Variants in GRID2 observed in about 807,000 individuals in gnomAD.
The protein encoded by GRID2 is glutamate receptor ionotropic, delta-2.
GRID2 carries 33 observed loss-of-function variants against 114.8 expected under a neutral mutation model. The ratio of observed to expected loss-of-function variants is 0.29; its 90% CI spans 0.22 to 0.38. The LOEUF (loss-of-function observed/expected upper bound fraction) is 0.38, where lower values mean the gene tolerates loss of function less well. Ranked by LOEUF, GRID2 falls within the 10% of genes least tolerant of loss-of-function variation. GRID2 has a pLI of 1.00. For missense variants in GRID2, 1,184 were observed against 1,257.7 expected, an observed-to-expected ratio of 0.94 and a Z score of 0.89; for synonymous variants, 505 against 449.9, an observed-to-expected ratio of 1.12 and a Z score of -1.55.
At chr4:92,989,894 T>C (rs1481558639) in intron 2 of GRID2, among the ~76,000 whole-genome samples, 3 of 152,116 alleles carry the variant, frequency 2.0e-5, no homozygotes, top group African/African-American at 4.8e-5. Context: ...TACAGAAATA[T>C]TGTAAGATTC....
At chr4:93,571,605 A>G (rs1319576962) in intron 13 of GRID2, among the ~76,000 whole-genome samples, 4 of 152,156 alleles carry the variant, frequency 2.6e-5, no homozygotes, top group Non-Finnish European at 5.9e-5. Flanking sequence ...TTAGTCATTT[A>G]GACTAATAAA....
At chr4:92,434,471 A>G (rs867872953) in intron 1 of GRID2, among the ~76,000 whole-genome samples, 3 of 152,176 alleles carry the variant, frequency 2.0e-5, no homozygotes, top group South Asian at 4.1e-4. Context: ...GGTAAATTCT[A>G]ATGTCAGTTA....
chr4:93,259,298 G>T (rs1749978643), intron 8 of GRID2, among the ~76,000 whole-genome samples: 1 of 151,786 alleles, frequency 6.6e-6, no homozygotes, highest in Non-Finnish European at 1.5e-5. Context: ...TAATGGTATT[G>T]CTGTAAATAC....
chr4:92,639,710 T>C (rs1184916734), intron 2 of GRID2, among the ~76,000 whole-genome samples: 2 of 151,730 alleles, frequency 1.3e-5, no homozygotes, highest in Non-Finnish European at 2.9e-5. Flanking sequence ...TGCCATGATA[T>C]ATATACTAAA....
At chr4:92,431,196 AG>A (rs1043749115) in intron 1 of GRID2, among the ~76,000 whole-genome samples, 13 of 152,280 alleles carry the variant, frequency 8.5e-5, no homozygotes, top group African/African-American at 3.1e-4. Flanking sequence ...TCTTAAAGGA[AG>A]GGCTTTAGAT....
At chr4:93,601,326 C>G (rs983966101) in intron 13 of GRID2, among the ~76,000 whole-genome samples, 1 of 152,160 alleles carries the variant, frequency 6.6e-6, no homozygotes, top group Admixed American at 6.6e-5. Context: ...TGACTCACCC[C>G]TCTCCTATAC....
intron 13 of GRID2, among the ~76,000 whole-genome samples, chr4:93,533,373 C>CTCTT (rs140886175): frequency 4.7e-4 from 58 of 122,372 alleles, no homozygotes; most frequent in East Asian, 7.9e-4. Context: ...ACTTCTCTCT[C>CTCTT]TCTTTCTTTC....
At chr4:92,956,586 T>G (rs1752427218) in intron 2 of GRID2, among the ~76,000 whole-genome samples, 1 of 152,206 alleles carries the variant, frequency 6.6e-6, no homozygotes, top group South Asian at 2.1e-4. Flanking sequence ...TTCTTCCAAG[T>G]TTTGGCAATT....
At chr4:92,624,771 A>T (rs912334183) in intron 2 of GRID2, among the ~76,000 whole-genome samples, 7 of 151,946 alleles carry the variant, frequency 4.6e-5, no homozygotes, top group African/African-American at 1.7e-4. Context: ...CCTTTCAAGT[A>T]CAGACTAAAT....
At chr4:93,085,575 A>T (rs1426944467) in intron 3 of GRID2, among the ~76,000 whole-genome samples, 3 of 152,164 alleles carry the variant, frequency 2.0e-5, no homozygotes, top group East Asian at 3.9e-4. Context: ...ACTAATGGGA[A>T]TTTAGTCATA....
chr4:93,598,541 G>A (rs1183644283), intron 13 of GRID2, among the ~76,000 whole-genome samples: 1 of 152,082 alleles, frequency 6.6e-6, no homozygotes, highest in Non-Finnish European at 1.5e-5. Context: ...TGTTGCTCTC[G>A]TTTCTTTTCA....
At chr4:93,496,663 CA>C (rs1293696650) in intron 12 of GRID2, among the ~76,000 whole-genome samples, 1 of 151,716 alleles carries the variant, frequency 6.6e-6, no homozygotes, top group African/African-American at 2.4e-5. Flanking sequence ...CTTATTGATT[CA>C]GCATAATATC....
chr4:92,616,426 C>A (rs905228825), intron 2 of GRID2, among the ~76,000 whole-genome samples: 1 of 151,344 alleles, frequency 6.6e-6, no homozygotes, highest in Non-Finnish European at 1.5e-5. Flanking sequence ...CCCTGTCTGT[C>A]AGTAGTTTGA....
intron 2 of GRID2, among the ~76,000 whole-genome samples, chr4:92,874,319 C>T (rs1745481230): frequency 6.6e-6 from 1 of 152,134 alleles, no homozygotes; most frequent in African/African-American, 2.4e-5. Flanking sequence ...TTGCATAAGA[C>T]ATTCATTCAA....
At chr4:92,446,007 C>T (rs1485862282) in intron 1 of GRID2, among the ~76,000 whole-genome samples, 1 of 152,116 alleles carries the variant, frequency 6.6e-6, no homozygotes, top group Non-Finnish European at 1.5e-5. Flanking sequence ...TGCAGTGGCA[C>T]TGATTTCGGC....
intron 2 of GRID2, among the ~76,000 whole-genome samples, chr4:92,939,710 A>C (rs985528372): frequency 1.4e-5 from 2 of 147,368 alleles, no homozygotes; most frequent in African/African-American, 4.9e-5. Flanking sequence ...TCTAACATTT[A>C]AGTCTTTAAT....
chr4:92,309,989 T>C (rs1725611654), intron 1 of GRID2, among the ~76,000 whole-genome samples: 1 of 151,748 alleles, frequency 6.6e-6, no homozygotes. Flanking sequence ...CATATGAAAA[T>C]AGAGTTGTGG....
chr4:93,733,997 G>T (rs781587342), intron 14 of GRID2, among the ~76,000 whole-genome samples: 4 of 151,866 alleles, frequency 2.6e-5, no homozygotes, highest in South Asian at 2.1e-4. Context: ...CTCTATAAAG[G>T]TCCTTTAATC....
At chr4:92,940,963 G>A (rs1014767642) in intron 2 of GRID2, among the ~76,000 whole-genome samples, 11 of 152,042 alleles carry the variant, frequency 7.2e-5, no homozygotes, top group Admixed American at 3.3e-4. Context: ...TGCTGGATTC[G>A]GTTTGCCAGT....
Sources: gnomAD v4.1 joint callset for allele counts (sites outside exome capture counted in the v4.1 genomes callset) on GRCh38, gnomAD v4.1.1 for gene constraint, MANE v1.5 for transcripts, NCBI Gene and HGNC (gene_info 2026-07-23, HGNC 2026-07-21) for gene names.